Variants in ASTN2 observed in about 807,000 individuals in gnomAD.
The protein encoded by ASTN2 is astrotactin-2.
A neutral mutation model predicts 139.8 loss-of-function variants in ASTN2; 54 were observed. That is an observed-to-expected ratio of 0.39 (90% CI 0.31 to 0.48). The LOEUF is 0.48. Ranked by LOEUF, ASTN2 falls within the 20% of genes least tolerant of loss-of-function variation. The pLI is 0.95. For missense variants in ASTN2, 1,565 were observed against 1,725.1 expected (o/e 0.91, Z 1.64); for synonymous variants, 756 against 719.5 (o/e 1.05, Z -0.81).
chr9:116,684,047 T>A (rs1459202214), intron 16 of ASTN2, among the ~76,000 whole-genome samples: 1 of 152,174 alleles, frequency 6.6e-6, no homozygotes, highest in Non-Finnish European at 1.5e-5. Context: ...AAGTAAAGAA[T>A]GTCACTTTCT....
intron 10 of ASTN2, among the ~76,000 whole-genome samples, chr9:116,930,057 T>C (rs761287354): frequency 2.0e-5 from 3 of 152,134 alleles, no homozygotes; most frequent in Non-Finnish European, 4.4e-5. Flanking sequence ...TGGCTGTAAA[T>C]GCAAGGCCAG....
intron 10 of ASTN2, among the ~76,000 whole-genome samples, chr9:116,970,949 T>C (rs772809460): frequency 6.6e-6 from 1 of 152,230 alleles, no homozygotes; most frequent in South Asian, 2.1e-4. Context: ...AGGCCCAGTA[T>C]GCAGTAATAA....
intron 1 of ASTN2, among the ~76,000 whole-genome samples, chr9:117,306,498 G>C (rs920431110): frequency 1.3e-5 from 2 of 152,106 alleles, no homozygotes; most frequent in Admixed American, 1.3e-4. Context: ...CCCGGGGAAC[G>C]CACTTCCCTT....
chr9:116,931,047 A>G (rs1834882131), intron 10 of ASTN2, among the ~76,000 whole-genome samples: 1 of 151,770 alleles, frequency 6.6e-6, no homozygotes, highest in Non-Finnish European at 1.5e-5. Context: ...CTCATCTCCT[A>G]CTACTCGCCC....
At chr9:116,877,905 AC>A (rs1833345742) in intron 10 of ASTN2, among the ~76,000 whole-genome samples, 1 of 152,258 alleles carries the variant, frequency 6.6e-6, no homozygotes, top group Non-Finnish European at 1.5e-5. Flanking sequence ...AATGACATGA[AC>A]AGACACTTCT....
chr9:116,623,416 T>C (rs1856276213), intron 17 of ASTN2, among the ~76,000 whole-genome samples: 1 of 152,042 alleles, frequency 6.6e-6, no homozygotes, highest in Admixed American at 6.6e-5. Context: ...AAACACACCC[T>C]GATAAAAGGC....
intron 13 of ASTN2, among the ~76,000 whole-genome samples, chr9:116,745,533 A>T (rs1829211673): frequency 6.6e-6 from 1 of 152,090 alleles, no homozygotes; most frequent in Non-Finnish European, 1.5e-5. Flanking sequence ...GCTAGGTATG[A>T]TTGTTCTCTG....
intron 19 of ASTN2, among the ~76,000 whole-genome samples, chr9:116,591,579 T>C (rs532338655): frequency 1.3e-5 from 2 of 152,346 alleles, no homozygotes; most frequent in Admixed American, 1.3e-4. Flanking sequence ...ACTATGACTC[T>C]ACCCAACAAT....
chr9:117,214,734 G>A lies in ASTN2; in HGVS notation c.639C>T (p.Leu213=), dbSNP rs7856949. 4.0e-6 allele frequency: 6 copies of A among 1,501,840 alleles called. No individual in the cohort carries two copies. Among genetic ancestry groups the A allele is most frequent in the Non-Finnish European group, 5.3e-6 (6 of 1,124,750 alleles). 93.0% of individuals were successfully genotyped at this position (1,501,840 alleles called of 1,614,324 possible). A position where few individuals can be genotyped will look rare whatever the true frequency, so the allele number is the denominator to read the frequency against. The change falls in exon 3 of 23, where the codon CTC becomes CTT. Residue 213 remains leucine, a synonymous_variant. Coordinates refer to ENST00000313400, the MANE Select transcript of ASTN2 (RefSeq NM_001365068.1). ...CCAGCAGCAGCAGCAGCAGCGCGAT[G>A]AGGCCACCCTGGAGCAGGAAGGAAG... The part of the protein sequence containing the change: ...HILHISVMGG[L]IALLLLLLVF...
chr9:117,016,725 G>GTT (rs1230898820), intron 6 of ASTN2, among the ~76,000 whole-genome samples: 1 of 137,576 alleles, frequency 7.3e-6, no homozygotes, highest in African/African-American at 2.9e-5. Flanking sequence ...ATATATATAT[G>GTT]TTATATATAT....
intron 10 of ASTN2, among the ~76,000 whole-genome samples, chr9:116,962,766 T>TA (rs1160080245): frequency 6.6e-6 from 1 of 152,188 alleles, no homozygotes; most frequent in Non-Finnish European, 1.5e-5. Context: ...TGTGTTGTCA[T>TA]AATATAATAC....
rs372277811 is a variant in ASTN2, at chr9:117,048,963, C to CTTTTTTTTTTTTTTTTTTTTTT, written c.1277-8999_1277-8998insAAAAAAAAAAAAAAAAAAAAAA. Among the ~76,000 whole-genome samples the CTTTTTTTTTTTTTTTTTTTTTT allele has an allele frequency of 9.3e-4, 83 of 89,028 alleles. 13 individuals carry two copies. Among genetic ancestry groups the CTTTTTTTTTTTTTTTTTTTTTT allele is most frequent in the African/African-American group, 1.1e-3 (28 of 25,000 alleles). 58.4% of individuals were successfully genotyped at this position (89,028 alleles called of 152,430 possible). On this transcript the variant is annotated intron_variant, in intron 5 of 22. Coordinates refer to ENST00000313400, the MANE Select transcript of ASTN2 (RefSeq NM_001365068.1). ...GTGCGCTCTGATTCTTCATCCATTG[C>CTTTTTTTTTTTTTTTTTTTTTT]TTTTTTTTTTTTTTTTTGAGACGGA...
chr9:117,178,870 C>CCCA (rs1389864851), intron 3 of ASTN2, among the ~76,000 whole-genome samples: 1 of 152,198 alleles, frequency 6.6e-6, no homozygotes, highest in Non-Finnish European at 1.5e-5. Flanking sequence ...TGTTCCTGGG[C>CCCA]CCACCACCAC....
At chr9:116,964,301 T>C (rs968018975) in intron 10 of ASTN2, among the ~76,000 whole-genome samples, 1 of 151,642 alleles carries the variant, frequency 6.6e-6, no homozygotes, top group African/African-American at 2.4e-5. Context: ...TTGATGCCTA[T>C]TGGGCAGAGT....
chr9:117,301,720 A>G (rs1007847084), intron 1 of ASTN2, among the ~76,000 whole-genome samples: 48 of 152,160 alleles, frequency 3.2e-4, no homozygotes, highest in African/African-American at 1.1e-3. Context: ...CCATTTCATC[A>G]TAGTAAAGTC....
chr9:117,275,968 T>G (rs1374202974), intron 2 of ASTN2, among the ~76,000 whole-genome samples: 1 of 152,176 alleles, frequency 6.6e-6, no homozygotes, highest in Non-Finnish European at 1.5e-5. Context: ...CTTCAACATA[T>G]TAATTTGCAG....
At chr9:116,458,152 C>CA (rs201036258) in intron 20 of ASTN2, among the ~76,000 whole-genome samples, 21 of 143,860 alleles carry the variant, frequency 1.5e-4, no homozygotes, top group East Asian at 1.2e-3. Flanking sequence ...AAATTAAAAA[C>CA]AAAAAAAAAA....
At chr9:117,165,532 A>G (rs1314292356) in intron 3 of ASTN2, among the ~76,000 whole-genome samples, 1 of 152,114 alleles carries the variant, frequency 6.6e-6, no homozygotes, top group Non-Finnish European at 1.5e-5. Flanking sequence ...CATGGAATGC[A>G]GAACTGCGCA....
chr9:116,783,481 G>C (rs1830276968), intron 13 of ASTN2, among the ~76,000 whole-genome samples: 1 of 152,130 alleles, frequency 6.6e-6, no homozygotes, highest in African/African-American at 2.4e-5. Flanking sequence ...GAGTGAGAAG[G>C]AGAAACAATT....
Sources: gnomAD v4.1 joint callset for allele counts (sites outside exome capture counted in the v4.1 genomes callset) on GRCh38, gnomAD v4.1.1 for gene constraint, MANE v1.5 for transcripts, NCBI Gene and HGNC (gene_info 2026-07-23, HGNC 2026-07-21) for gene names.